The following MAF1 variants were observed in gnomAD, a reference collection of about 807,000 sequenced individuals.
MAF1 encodes MAF1 negative regulator of RNA polymerase III.
MAF1 carries 7 observed loss-of-function variants against 31.9 expected under a neutral mutation model. The ratio of observed to expected loss-of-function variants is 0.22; its 90% CI spans 0.12 to 0.41. The LOEUF (loss-of-function observed/expected upper bound fraction) is 0.41, where lower values mean the gene tolerates loss of function less well. Ranked by LOEUF, MAF1 falls within the 10% of genes least tolerant of loss-of-function variation. The pLI is 1.00. For missense variants in MAF1, 221 were observed against 323.1 expected (o/e 0.68, Z 2.42); for synonymous variants, 157 against 120.0 (o/e 1.31, Z -2.02).
chr8:144,105,780 G>A lies in MAF1; in HGVS notation c.83+14G>A. On this transcript the variant is annotated intron_variant, in intron 2 of 7. Coordinates refer to ENST00000322428, the MANE Select transcript of MAF1 (RefSeq NM_032272.5). ...CATCATTGGCAGGTGAGGCAGGCTG[G>A]GGGGGCTGGCATCTCGGAGGTCACA... The A allele has an allele frequency of 6.2e-7, 1 of 1,612,772 alleles. No homozygotes were observed. Among genetic ancestry groups the A allele is most frequent in the Non-Finnish European group, 8.5e-7 (1 of 1,179,894 alleles).
In MAF1 at chr8:144,105,953, G is replaced by A. The variant is rs1391662574; in HGVS notation, c.168G>A (p.Leu56=). Reference sequence around the variant, plus strand: ...GCCAGGAGGGCCAGCCCCACGTGCTGGAGGCACTTTCTCCACCCCAGACTT... The same window carrying A: ...GCCAGGAGGGCCAGCCCCACGTGCTAGAGGCACTTTCTCCACCCCAGACTT... ...QFCQEGQPHV[L]EALSPPQTSG... The change falls in exon 3 of 8, where the codon CTG becomes CTA. Residue 56 remains leucine (L), a synonymous_variant. Coordinates refer to ENST00000322428, the MANE Select transcript of MAF1 (RefSeq NM_032272.5). 1.9e-6 allele frequency: 3 copies of A among 1,613,146 alleles called. No individual in the cohort carries two copies. Among genetic ancestry groups the A allele is most frequent in the African/African-American group, 1.3e-5 (1 of 74,948 alleles).
chr8:144,104,523 GTCGCTCGC>G lies in MAF1; in HGVS notation c.-368_-361del, dbSNP rs555221400. ...TGTTGTCCGGCCGGGGGAGGCGGAG[GTCGCTCGC>G]TCGCTCGCTCGGCTCGCTGACTCGC... On this transcript the variant is annotated 5_prime_UTR_variant, in exon 1 of 8. Transcript: ENST00000322428. 2.0e-5 allele frequency: 3 copies of G among 152,170 alleles called. No homozygotes were observed. Among genetic ancestry groups the G allele is most frequent in the Non-Finnish European group, 2.9e-5 (2 of 68,026 alleles). 9.4% of individuals were successfully genotyped at this position (152,170 alleles called of 1,614,324 possible).
Position 144,105,710 on chromosome 8 carries a change from T to C in MAF1, c.27T>C (p.Phe9=), listed in dbSNP as rs753900511. 1.2e-6 allele frequency: 2 copies of C among 1,613,270 alleles called. No individual in the cohort carries two copies. Among genetic ancestry groups the C allele is most frequent in the Middle Eastern group, 1.6e-4 (1 of 6,084 alleles). MKLLENSS[F]EAINSQLTVE... ...TGAAGCTATTGGAGAACTCGAGCTT[T>C]GAAGCCATCAACTCACAGCTGACTG... is the stretch of plus-strand genomic sequence containing the variant. Residue 9 remains phenylalanine, a synonymous_variant, in exon 2 of 8, where the codon TTT becomes TTC. Transcript: ENST00000322428.
At chr8:144,106,300 G>A (rs1203708926) in intron 4 of MAF1, 43 bp from the exon 5 acceptor site, 1 of 1,612,742 alleles carries the variant, frequency 6.2e-7, no homozygotes, top group East Asian at 2.2e-5. Flanking sequence ...CCCCACTTTG[G>A]GTAGCCCTGG....
chr8:144,106,802 G>A (rs762812981), intron 6 of MAF1, 33 bp from the exon 7 acceptor site: 35 of 1,542,214 alleles, frequency 2.3e-5, no homozygotes, highest in Non-Finnish European at 2.8e-5. Context: ...CCTGGGTAGG[G>A]GTCCTGAAAC....
At chr8:144,106,746 C>G (rs1836422110) in intron 6 of MAF1, 72 bp downstream of exon 6, 2 of 1,576,558 alleles carry the variant, frequency 1.3e-6, no homozygotes. Flanking sequence ...GCCATCTCCA[C>G]CCAGCTTTGC....
In MAF1 at chr8:144,107,244, A is replaced by T. The variant is rs1328325911; in HGVS notation, c.*135A>T. The T allele has an allele frequency of 3.5e-6, 4 of 1,147,304 alleles. No individual in the cohort carries two copies. Among genetic ancestry groups the T allele is most frequent in the Middle Eastern group, 1.9e-4 (1 of 5,224 alleles). The allele number at this position is 1,147,304 out of a possible 1,614,324, so 71.1% of individuals were successfully genotyped here. On this transcript the variant is annotated 3_prime_UTR_variant, in exon 8 of 8. Transcript: ENST00000322428. ...CACAGTCCTGGCACTGCCCAAGGCCATACCTGCCTAGCCCTTTGGCTCCAT... is the reference window on the plus strand; with the variant it reads ...CACAGTCCTGGCACTGCCCAAGGCCTTACCTGCCTAGCCCTTTGGCTCCAT...
At position 144,106,821 on chromosome 8, in the gene MAF1, C is replaced by T; in HGVS notation, c.621-14C>T. On this transcript the variant is annotated splice_polypyrimidine_tract_variant and intron_variant, in intron 6 of 7. Transcript: ENST00000322428. ...GGTAGGGGTCCTGAAACTGGTTTCC[C>T]TGCCTCCCCTCAGTGGCTCCACCTA... The T allele has an allele frequency of 6.5e-7, 1 of 1,535,918 alleles. No homozygotes were observed. Among genetic ancestry groups the T allele is most frequent in the Non-Finnish European group, 8.8e-7 (1 of 1,142,462 alleles).
intron 6 of MAF1, 40 bp from the exon 7 acceptor site, chr8:144,106,795 G>T: frequency 6.5e-7 from 1 of 1,545,368 alleles, no homozygotes; most frequent in Non-Finnish European, 8.7e-7. Flanking sequence ...CAGCAGGCCT[G>T]GGTAGGGGTC....
intron 7 of MAF1, 31 bp from the exon 8 acceptor site, chr8:144,107,057 G>A (rs1260796944): frequency 6.4e-7 from 1 of 1,571,800 alleles, no homozygotes; most frequent in South Asian, 1.2e-5. Flanking sequence ...GGTGGCTCCT[G>A]AAGGCCCACT....
chr8:144,105,134 AAG>A (rs1322858448), intron 1 of MAF1: 1 of 154,054 alleles, frequency 6.5e-6, no homozygotes, highest in Non-Finnish European at 1.4e-5. Context: ...GCCAAAACGA[AAG>A]AGCGCCCGCC....
chr8:144,104,547 G>C lies in MAF1; in HGVS notation c.-356G>C, dbSNP rs1167100141. 1 of 152,196 alleles carries C rather than the reference G, an allele frequency of 6.6e-6. No individual in the cohort carries two copies. The highest frequency in any genetic ancestry group is 1.5e-5 in the Non-Finnish European group (1 of 68,048). The allele number at this position is 152,196 out of a possible 1,614,324, so 9.4% of individuals were successfully genotyped here. A position where few individuals can be genotyped will look rare whatever the true frequency, so the allele number is the denominator to read the frequency against. ...GGTCGCTCGCTCGCTCGCTCGGCTCGCTGACTCGCCGGAGCGCTCTGTGGC... is the reference window on the plus strand; with the variant it reads ...GGTCGCTCGCTCGCTCGCTCGGCTCCCTGACTCGCCGGAGCGCTCTGTGGC... On this transcript the variant is annotated 5_prime_UTR_variant, in exon 1 of 8. Transcript: ENST00000322428.
At chr8:144,105,115 C>A (rs182009566) in intron 1 of MAF1, 1 of 154,008 alleles carries the variant, frequency 6.5e-6, no homozygotes, top group Admixed American at 6.4e-5. Context: ...CTCCCCGGGC[C>A]AGAAAGTAGC....
In MAF1 at chr8:144,104,858, G is replaced by T. The variant is rs1282056551; in HGVS notation, c.-45G>T. The stretch of plus-strand genomic sequence containing the variant: ...CGGCCTGATCTAACCCAGCCAGGCA[G>T]GTGGGTGTCCGCCCTGCGTCCCGCG... On this transcript the variant is annotated splice_region_variant and 5_prime_UTR_variant, in exon 1 of 8. In the 5' UTR this introduces an upstream ATG that the reference lacks. Coordinates refer to ENST00000322428, the MANE Select transcript of MAF1 (RefSeq NM_032272.5). 1 of 152,304 alleles carries T rather than the reference G, an allele frequency of 6.6e-6. No homozygotes were observed. The highest frequency in any genetic ancestry group is 1.5e-5 in the Non-Finnish European group (1 of 68,106). 9.4% of individuals were successfully genotyped at this position (152,304 alleles called of 1,614,324 possible). A position where few individuals can be genotyped will look rare whatever the true frequency, so the allele number is the denominator to read the frequency against.
chr8:144,106,027 G>A, intron 3 of MAF1, 30 bp downstream of exon 3: 1 of 1,613,544 alleles, frequency 6.2e-7, no homozygotes, highest in Non-Finnish European at 8.5e-7. Context: ...ACCTGGGGCT[G>A]GGGGTTGAGG....
At position 144,106,599 on chromosome 8, in the gene MAF1, G is replaced by T; in HGVS notation, c.545G>T (p.Ser182Ile). ...LDSDPFGEDG[S>I]LWSFNYFFYN... ...TCAGATCCCTTCGGGGAGGATGGTAGCCTCTGGTCCTTCAACTACTTCTTC... is the reference window on the plus strand; with the variant it reads ...TCAGATCCCTTCGGGGAGGATGGTATCCTCTGGTCCTTCAACTACTTCTTC... The change falls in exon 6 of 8, where the codon AGC becomes ATC. Residue 182 changes from serine (S) to isoleucine (I), a missense_variant. Transcript: ENST00000322428. The T allele has an allele frequency of 6.2e-7, 1 of 1,613,896 alleles. No homozygotes were observed. The highest frequency in any genetic ancestry group is 8.5e-7 in the Non-Finnish European group (1 of 1,180,018).
chr8:144,105,497 A>AG (rs1836393759), intron 1 of MAF1, 143 bp from the exon 2 acceptor site: 1 of 604,060 alleles, frequency 1.7e-6, no homozygotes, highest in African/African-American at 1.9e-5. Context: ...CTGGCCGGGC[A>AG]GAGAGGGGAG....
intron 1 of MAF1, chr8:144,105,419 A>AG: frequency 1.9e-6 from 1 of 518,806 alleles, no homozygotes; most frequent in Non-Finnish European, 3.5e-6. Context: ...CGTGTTCTGC[A>AG]GGGGGTATGG....
chr8:144,106,868 C>A lies in MAF1; in HGVS notation c.654C>A (p.Asn218Lys). ...GSTYTPSEAG[N>K]ELDMELGEEE... Reference sequence around the variant, plus strand: ...CCTACACACCCTCAGAGGCAGGCAACGAGCTGGACATGGAGCTGGGGGAGG... The same window carrying A: ...CCTACACACCCTCAGAGGCAGGCAAAGAGCTGGACATGGAGCTGGGGGAGG... Residue 218 changes from asparagine to lysine, a missense_variant, in exon 7 of 8, where the codon AAC becomes AAA. Physicochemically the swap from Asn to Lys is moderately conservative, Grantham distance 94. Transcript: ENST00000322428. 6.5e-7 allele frequency: 1 copy of A among 1,530,388 alleles called. No homozygotes were observed. The highest frequency in any genetic ancestry group is 8.8e-7 in the Non-Finnish European group (1 of 1,141,618). 94.8% of individuals were successfully genotyped at this position (1,530,388 alleles called of 1,614,324 possible). A position where few individuals can be genotyped will look rare whatever the true frequency, so the allele number is the denominator to read the frequency against.
Sources: gnomAD v4.1 joint callset for allele counts on GRCh38, gnomAD v4.1.1 for gene constraint, MANE v1.5 for transcripts, NCBI Gene and HGNC (gene_info 2026-07-23, HGNC 2026-07-21) for gene names.